The following PRELID2 variants were observed in gnomAD, a reference collection of about 807,000 sequenced individuals.
PRELID2 encodes PRELI domain-containing protein 2.
A neutral mutation model predicts 28.4 loss-of-function variants in PRELID2; 25 were observed. That is an observed-to-expected ratio of 0.88 (90% confidence interval 0.64 to 1.23). The LOEUF is 1.23. PRELID2 is among the 50% of genes most tolerant of loss of function. PRELID2 has a pLI of 0.00. For synonymous variants in PRELID2, 76 were observed against 71.6 expected (o/e 1.06, Z -0.31); for missense variants, 201 against 214.4 (o/e 0.94, Z 0.39).
chr5:145,799,164 A>G (rs926309701), intron 4 of PRELID2, among the ~76,000 whole-genome samples: 5 of 150,852 alleles, frequency 3.3e-5, no homozygotes, highest in African/African-American at 1.2e-4. Flanking sequence ...TTTTCAGTAG[A>G]TTACTTGGCA....
chr5:145,693,045 TACAGA>T (rs1258518677), intron 1 of PRELID2, among the ~76,000 whole-genome samples: 1 of 152,178 alleles, frequency 6.6e-6, no homozygotes. Context: ...ACTACAGCTG[TACAGA>T]ACTAAAAAAT....
downstream of PRELID2, among the ~76,000 whole-genome samples, chr5:145,469,846 G>C (rs572879924): frequency 3.9e-4 from 59 of 152,024 alleles, no homozygotes; most frequent in Non-Finnish European, 4.1e-4. Flanking sequence ...GACATCTTTG[G>C]TATTGAGAAA....
chr5:145,229,783 C>A, the PRELID2 span: 8 of 755,616 alleles, frequency 1.1e-5, no homozygotes, highest in African/African-American at 1.7e-5. Flanking sequence ...CTGATATACA[C>A]CAGTTTCTGA....
chr5:145,327,893 C>G, the PRELID2 span, among the ~76,000 whole-genome samples: 6 of 152,168 alleles, frequency 3.9e-5, no homozygotes, highest in Admixed American at 2.6e-4. Context: ...ATCAACTTGT[C>G]ATCTACATTA....
At chr5:145,524,209 G>A (rs368634002) in intron 1 of PRELID2, among the ~76,000 whole-genome samples, 5 of 152,298 alleles carry the variant, frequency 3.3e-5, no homozygotes, top group Admixed American at 1.3e-4. Flanking sequence ...GGGCAGAGTC[G>A]CAGTCTCAAA....
At chr5:145,689,892 C>T (rs1755111274) in intron 1 of PRELID2, among the ~76,000 whole-genome samples, 1 of 152,142 alleles carries the variant, frequency 6.6e-6, no homozygotes, top group Non-Finnish European at 1.5e-5. Context: ...GGGCCCCTTA[C>T]CAAACTCCAG....
At chr5:145,272,553 T>C in the PRELID2 span, among the ~76,000 whole-genome samples, 4 of 152,230 alleles carry the variant, frequency 2.6e-5, no homozygotes, top group Admixed American at 2.0e-4. Context: ...TCTAGAGAGA[T>C]TGGTGAGATT....
chr5:145,385,119 C>G, the PRELID2 span, among the ~76,000 whole-genome samples: 2 of 152,110 alleles, frequency 1.3e-5, no homozygotes, highest in Non-Finnish European at 2.9e-5. Flanking sequence ...TGTATCAAAA[C>G]TTACTAAATT....
chr5:145,585,483 A>C (rs1753145099), intron 1 of PRELID2, among the ~76,000 whole-genome samples: 1 of 152,174 alleles, frequency 6.6e-6, no homozygotes, highest in Non-Finnish European at 1.5e-5. Flanking sequence ...AACAATAATT[A>C]ATAGTTAATT....
the PRELID2 span, among the ~76,000 whole-genome samples, chr5:145,416,124 G>A: frequency 6.6e-6 from 1 of 151,772 alleles, no homozygotes; most frequent in South Asian, 2.1e-4. Context: ...TTTTTGATGG[G>A]GTTGTTTGTT....
At chr5:145,458,452 G>A in the PRELID2 span, among the ~76,000 whole-genome samples, 4 of 152,184 alleles carry the variant, frequency 2.6e-5, no homozygotes, top group African/African-American at 4.8e-5. Flanking sequence ...TTCCAATTTC[G>A]TTATAATACT....
chr5:145,720,329 AT>A (rs200329816), intron 1 of PRELID2, among the ~76,000 whole-genome samples: 3 of 151,774 alleles, frequency 2.0e-5, no homozygotes, highest in African/African-American at 7.2e-5. Flanking sequence ...ATTAAAGATA[AT>A]TTTAAAAAAA....
intron 1 of PRELID2, among the ~76,000 whole-genome samples, chr5:145,709,697 A>C (rs1407655758): frequency 6.6e-6 from 1 of 152,178 alleles, no homozygotes; most frequent in Non-Finnish European, 1.5e-5. Context: ...GGAGCCAATC[A>C]CCAAACTAAA....
intron 1 of PRELID2, among the ~76,000 whole-genome samples, chr5:145,594,276 C>T (rs968363329): frequency 2.0e-5 from 3 of 152,112 alleles, no homozygotes; most frequent in African/African-American, 7.2e-5. Context: ...CACACCCATA[C>T]TGGCAATGAG....
At chr5:145,331,432 T>C in the PRELID2 span, among the ~76,000 whole-genome samples, 1 of 152,190 alleles carries the variant, frequency 6.6e-6, no homozygotes, top group Non-Finnish European at 1.5e-5. Context: ...TCTAAGAACT[T>C]GCTTTATGAA....
At chr5:145,263,313 A>G in the PRELID2 span, among the ~76,000 whole-genome samples, 4 of 152,112 alleles carry the variant, frequency 2.6e-5, no homozygotes, top group African/African-American at 9.7e-5. Flanking sequence ...GAAATTTAAT[A>G]CCATACCCTG....
the PRELID2 span, among the ~76,000 whole-genome samples, chr5:145,411,272 T>A: frequency 6.6e-6 from 1 of 152,014 alleles, no homozygotes; most frequent in Admixed American, 6.5e-5. Context: ...AACTGCCTCA[T>A]AAAGCCATCA....
the PRELID2 span, among the ~76,000 whole-genome samples, chr5:145,333,537 A>T: frequency 6.6e-6 from 1 of 152,194 alleles, no homozygotes; most frequent in Non-Finnish European, 1.5e-5. Context: ...GGCTCCTCCC[A>T]GTTCAAACTT....
At chr5:145,588,122 C>T (rs998978667) in intron 1 of PRELID2, among the ~76,000 whole-genome samples, 2 of 152,182 alleles carry the variant, frequency 1.3e-5, no homozygotes, top group African/African-American at 2.4e-5. Context: ...AACTACTCCC[C>T]TAACGAACAT....
Sources: allele counts gnomAD v4.1 joint callset (sites outside exome capture counted in the v4.1 genomes callset), GRCh38; gene constraint gnomAD v4.1.1; transcripts MANE v1.5; gene names NCBI Gene and HGNC (gene_info 2026-07-23, HGNC 2026-07-21).